The following RYR3 variants were observed in gnomAD, a reference collection of about 807,000 sequenced individuals.
RYR3 encodes the protein brain ryanodine receptor-calcium release channel.
RYR3 carries 207 observed loss-of-function variants against 584.3 expected under a neutral mutation model. The ratio of observed to expected loss-of-function variants is 0.35; its 90% CI spans 0.32 to 0.40. The LOEUF (loss-of-function observed/expected upper bound fraction) is 0.40. Among genes scored for constraint, RYR3 ranks in the 10% least tolerant of loss-of-function variants. RYR3 has a pLI of 1.00. For synonymous variants in RYR3, 2,416 were observed against 2,248.5 expected, an observed-to-expected ratio of 1.07 and a Z score of -2.11; for missense variants, 5,616 against 6,089.2, an observed-to-expected ratio of 0.92 and a Z score of 2.59.
At chr15:33,387,662 C>CA (rs35447627) in intron 1 of RYR3, among the ~76,000 whole-genome samples, 85,216 of 139,708 alleles carry the variant, frequency 0.61, 24,560 homozygotes, top group Admixed American at 0.63. Flanking sequence ...AATGACCTCA[C>CA]AAAAAAAAAA....
chr15:33,691,280 G>C (rs2065406308), intron 38 of RYR3, among the ~76,000 whole-genome samples: 1 of 152,086 alleles, frequency 6.6e-6, no homozygotes, highest in Non-Finnish European at 1.5e-5. Flanking sequence ...AGAGATTATT[G>C]GTTCGTTGAG....
At chr15:33,583,053 A>G (rs867479417) in intron 14 of RYR3, among the ~76,000 whole-genome samples, 104 of 152,296 alleles carry the variant, frequency 6.8e-4, no homozygotes, top group Middle Eastern at 3.4e-3. Context: ...CTGCAGTATC[A>G]TCTGCCAGTG....
intron 46 of RYR3, among the ~76,000 whole-genome samples, 175 bp from the exon 47 acceptor site, chr15:33,728,682 A>G (rs938201904): frequency 1.3e-5 from 2 of 152,226 alleles, no homozygotes; most frequent in Non-Finnish European, 2.9e-5. Flanking sequence ...AAAAAGTTTC[A>G]GATCTTGGTG....
intron 49 of RYR3, among the ~76,000 whole-genome samples, chr15:33,737,529 G>A (rs1383476155): frequency 1.3e-5 from 2 of 152,180 alleles, no homozygotes; most frequent in African/African-American, 4.8e-5. Flanking sequence ...GCATTTTACT[G>A]TGCTAACAAG....
At chr15:33,411,510 A>G (rs1234831456) in intron 1 of RYR3, among the ~76,000 whole-genome samples, 1 of 152,238 alleles carries the variant, frequency 6.6e-6, no homozygotes, top group Non-Finnish European at 1.5e-5. Flanking sequence ...GATGGGATGC[A>G]CACGGTGAAG....
rs927600656 is a variant in RYR3 at position 33,802,510 on chromosome 15, T to G, written c.10011+549T>G. 4.7e-5 allele frequency among the ~76,000 whole-genome samples: 4 copies of G among 84,434 alleles called. No individual in the cohort carries two copies. In the East Asian group the frequency reaches 9.1e-3, roughly 192 times the overall value. 55.4% of individuals were successfully genotyped at this position (84,434 alleles called of 152,430 possible). ...ACATTTGTCCATTTCCTTTAGGAAA[T>G]GTTTGAAAAGGCATATCGGACATCT... On this transcript the variant is annotated intron_variant, in intron 69 of 103. Coordinates refer to ENST00000634891, the MANE Select transcript of RYR3 (RefSeq NM_001036.6).
intron 102 of RYR3, among the ~76,000 whole-genome samples, chr15:33,863,432 A>G (rs1341926588): frequency 6.7e-6 from 1 of 150,200 alleles, no homozygotes; most frequent in Non-Finnish European, 1.5e-5. Flanking sequence ...CCACCCTCAG[A>G]AGGACATAAT....
Position 33,660,189 on chromosome 15 carries a change from T to G in RYR3, c.4396-8T>G. On this transcript the variant is annotated splice_region_variant and splice_polypyrimidine_tract_variant and intron_variant, in intron 33 of 103. Transcript: ENST00000634891. ...TTTCTTTTCCAATGCCTTTCCCACG[T>G]GCCCCAGAACGCAATGCCCCTGTCA... The G allele has an allele frequency of 6.5e-7, 1 of 1,544,012 alleles. No homozygotes were observed. Among genetic ancestry groups the G allele is most frequent in the East Asian group, 2.5e-5 (1 of 40,764 alleles).
intron 85 of RYR3, 37 bp downstream of exon 85, chr15:33,827,324 C>T: frequency 1.3e-6 from 2 of 1,524,668 alleles, no homozygotes; most frequent in East Asian, 2.5e-5. Flanking sequence ...GACCTCTCAC[C>T]TTTGCTTCCA....
At chr15:33,429,964 A>G (rs952325784) in intron 1 of RYR3, among the ~76,000 whole-genome samples, 2 of 152,272 alleles carry the variant, frequency 1.3e-5, no homozygotes, top group African/African-American at 2.4e-5. Context: ...TCAGCCAGCC[A>G]GTCGTCTAGG....
At chr15:33,825,838 T>C (rs896102313) in intron 82 of RYR3, 162 bp downstream of exon 82, 9 of 552,640 alleles carry the variant, frequency 1.6e-5, no homozygotes, top group African/African-American at 1.5e-4. Context: ...GTTCAAGCAC[T>C]TCTCCTGCCT....
At chr15:33,392,900 A>C (rs2042089362) in intron 1 of RYR3, among the ~76,000 whole-genome samples, 1 of 152,256 alleles carries the variant, frequency 6.6e-6, no homozygotes, top group Non-Finnish European at 1.5e-5. Flanking sequence ...ATGCAGTTGT[A>C]ATTATTGTTC....
chr15:33,794,352 T>C (rs1339248585), intron 67 of RYR3, among the ~76,000 whole-genome samples: 1 of 141,940 alleles, frequency 7.0e-6, no homozygotes, highest in Non-Finnish European at 1.5e-5. Flanking sequence ...TATAAAAATA[T>C]ATATATATAT....
chr15:33,399,268 C>T (rs573566093), intron 1 of RYR3, among the ~76,000 whole-genome samples: 1 of 152,208 alleles, frequency 6.6e-6, no homozygotes, highest in Admixed American at 6.5e-5. Context: ...GCATTTATAG[C>T]GCTATTAAGT....
chr15:33,655,800 G>T (rs1292843079), intron 32 of RYR3, among the ~76,000 whole-genome samples: 1 of 152,132 alleles, frequency 6.6e-6, no homozygotes, highest in African/African-American at 2.4e-5. Flanking sequence ...CATGCATTTG[G>T]TCCCTGACAG....
intron 1 of RYR3, among the ~76,000 whole-genome samples, chr15:33,402,090 T>A (rs2042713855): frequency 6.6e-6 from 1 of 152,196 alleles, no homozygotes; most frequent in African/African-American, 2.4e-5. Context: ...GTTAAAAGCA[T>A]CTACAGGTTG....
At chr15:33,530,903 G>C (rs2054809234) in intron 4 of RYR3, among the ~76,000 whole-genome samples, 1 of 152,030 alleles carries the variant, frequency 6.6e-6, no homozygotes, top group Non-Finnish European at 1.5e-5. Flanking sequence ...CTGAGGAAGA[G>C]GGCCATGTTT....
At chr15:33,713,739 G>T (rs894611628) in intron 43 of RYR3, among the ~76,000 whole-genome samples, 20 of 152,140 alleles carry the variant, frequency 1.3e-4, no homozygotes, top group African/African-American at 4.8e-4. Context: ...GGAAGTCCAG[G>T]ATCAAGGTGC....
chr15:33,540,725 G>A (rs2055748766), intron 6 of RYR3, 66 bp from the exon 7 acceptor site: 1 of 938,622 alleles, frequency 1.1e-6, no homozygotes, highest in Non-Finnish European at 1.7e-6. Context: ...GAAGTTCTAG[G>A]TGAGCTGTTT....
Sources: allele counts gnomAD v4.1 joint callset (sites outside exome capture counted in the v4.1 genomes callset), GRCh38; gene constraint gnomAD v4.1.1; transcripts MANE v1.5; gene names NCBI Gene and HGNC (gene_info 2026-07-23, HGNC 2026-07-21).